The following FUT8 variants were observed in gnomAD, a reference collection of about 807,000 sequenced individuals.
FUT8 encodes the protein fucosyltransferase 8, also known as alpha-(1,6)-fucosyltransferase.
In FUT8, 29 loss-of-function variants were observed where a neutral mutation model predicts 71.3. The observed-to-expected ratio is 0.41, with a 90% CI of 0.30 to 0.55. The LOEUF (loss-of-function observed/expected upper bound fraction) is 0.55. FUT8 is among the 20% of genes least tolerant of loss of function. The pLI, the probability that FUT8 is intolerant of heterozygous loss-of-function variation, is 0.34. For synonymous variants in FUT8, 254 were observed against 239.3 expected (o/e 1.06, Z -0.57); for missense variants, 544 against 702.1 (o/e 0.77, Z 2.55).
chr14:65,692,503 G>T (rs1594903014), intron 7 of FUT8, among the ~76,000 whole-genome samples: 3 of 69,806 alleles, frequency 4.3e-5, no homozygotes, highest in African/African-American at 8.7e-5. Context: ...CCGGGCGGGG[G>T]GCTGACCCCC....
chr14:65,572,212 C>A (rs1308918444), intron 3 of FUT8, among the ~76,000 whole-genome samples: 1 of 152,130 alleles, frequency 6.6e-6, no homozygotes, highest in Non-Finnish European at 1.5e-5. Flanking sequence ...TTAGCTTGTG[C>A]TTTTACTCTT....
At chr14:65,724,796 A>T (rs2139362206) in intron 9 of FUT8, among the ~76,000 whole-genome samples, 1 of 151,936 alleles carries the variant, frequency 6.6e-6, no homozygotes, top group South Asian at 2.1e-4. Context: ...TGCTCTTGTG[A>T]CCTCTTCTTT....
At chr14:65,503,530 T>C (rs1198523601) in intron 2 of FUT8, among the ~76,000 whole-genome samples, 5 of 152,208 alleles carry the variant, frequency 3.3e-5, no homozygotes, top group South Asian at 2.1e-4. Flanking sequence ...TTTATGAAAT[T>C]GTTAATTTCT....
chr14:65,637,693 GAAGAAT>G (rs1324813739), intron 6 of FUT8, among the ~76,000 whole-genome samples: 3 of 152,054 alleles, frequency 2.0e-5, no homozygotes, highest in Non-Finnish European at 4.4e-5. Flanking sequence ...CCACAACCAA[GAAGAAT>G]AAGGCGTGTG....
At chr14:65,523,219 A>G (rs1479132672) in intron 2 of FUT8, among the ~76,000 whole-genome samples, 2 of 152,154 alleles carry the variant, frequency 1.3e-5, no homozygotes, top group African/African-American at 4.8e-5. Context: ...GTTTCTCCAC[A>G]TCCTCTCCAG....
chr14:65,440,688 G>A (rs1171927204), intron 1 of FUT8, among the ~76,000 whole-genome samples: 4 of 152,016 alleles, frequency 2.6e-5, no homozygotes, highest in Non-Finnish European at 5.9e-5. Flanking sequence ...CCTCTTGTGG[G>A]AAAATGACTT....
chr14:65,549,438 T>C (rs1256696498), intron 2 of FUT8, among the ~76,000 whole-genome samples: 1 of 152,178 alleles, frequency 6.6e-6, no homozygotes, highest in African/African-American at 2.4e-5. Flanking sequence ...ATCTTGTGGC[T>C]GTTTTACCCT....
chr14:65,622,237 A>T (rs1889653978), intron 5 of FUT8, among the ~76,000 whole-genome samples: 1 of 152,218 alleles, frequency 6.6e-6, no homozygotes, highest in Non-Finnish European at 1.5e-5. Flanking sequence ...TAATTGCTAA[A>T]TACTTAGCTT....
chr14:65,703,402 AACCCAAAAGGATAAAAT>A (rs1415825425), intron 7 of FUT8, among the ~76,000 whole-genome samples: 2 of 151,954 alleles, frequency 1.3e-5, no homozygotes, highest in Non-Finnish European at 2.9e-5. Flanking sequence ...TTCCCAATTA[AACCCAAAAGGATAAAAT>A]ATAGCCATTT....
Position 65,742,927 on chromosome 14 carries a change from T to G in FUT8, c.*517T>G, listed in dbSNP as rs1177088138. The G allele has an allele frequency of 6.6e-6, 1 of 152,518 alleles. No homozygotes were observed. Among genetic ancestry groups the G allele is most frequent in the African/African-American group, 2.4e-5 (1 of 41,276 alleles). 9.4% of individuals were successfully genotyped at this position (152,518 alleles called of 1,614,324 possible). On this transcript the variant is annotated 3_prime_UTR_variant, in exon 11 of 11. Coordinates refer to ENST00000673929, the MANE Select transcript of FUT8 (RefSeq NM_001371533.1). ...ACGTTTGGTTTTTTTTTGTTTTTGT[T>G]TTTGTTTTTTCCTTTATAAGGTTGT...
the FUT8 span, among the ~76,000 whole-genome samples, chr14:65,369,247 G>C: frequency 6.6e-6 from 1 of 152,186 alleles, no homozygotes; most frequent in Admixed American, 6.5e-5. The surrounding 1 kb of genome is among the most constrained non-coding windows in gnomAD (Gnocchi z 4.6). Context: ...TGGGGACATG[G>C]CCTGCTTCAT....
chr14:65,741,833 G>T (rs1188386930), intron 10 of FUT8, among the ~76,000 whole-genome samples: 1 of 151,874 alleles, frequency 6.6e-6, no homozygotes, highest in African/African-American at 2.4e-5. Flanking sequence ...AAATTCTTTT[G>T]TACTATATAG....
chr14:65,532,653 A>G (rs771125329), intron 2 of FUT8, among the ~76,000 whole-genome samples: 1 of 152,166 alleles, frequency 6.6e-6, no homozygotes, highest in Non-Finnish European at 1.5e-5. Flanking sequence ...ATGAGATCCC[A>G]TTTGTCAGTT....
chr14:65,481,619 A>G (rs1170681417), intron 2 of FUT8, among the ~76,000 whole-genome samples: 1 of 151,982 alleles, frequency 6.6e-6, no homozygotes. Context: ...ACTACTACCC[A>G]TCCTTCCTTG....
chr14:65,424,070 G>C (rs1173376735), intron 1 of FUT8, among the ~76,000 whole-genome samples: 2 of 152,152 alleles, frequency 1.3e-5, no homozygotes, highest in Non-Finnish European at 2.9e-5. Flanking sequence ...AGCACTTCCG[G>C]CATCACTAGT....
At chr14:65,392,274 A>G in the FUT8 span, among the ~76,000 whole-genome samples, 1 of 152,364 alleles carries the variant, frequency 6.6e-6, no homozygotes, top group East Asian at 1.9e-4. Flanking sequence ...TGGCAAGCTA[A>G]CTTAAAAGAA....
At chr14:65,633,838 G>A (rs1395108685) in intron 6 of FUT8, among the ~76,000 whole-genome samples, 2 of 151,958 alleles carry the variant, frequency 1.3e-5, no homozygotes, top group African/African-American at 2.4e-5. Flanking sequence ...CACCCTGTCC[G>A]GGAGGGAGGT....
At chr14:65,412,411 T>C (rs1292287432), upstream of FUT8, 2 of 443,110 alleles carry the variant, frequency 4.5e-6, no homozygotes, top group Admixed American at 2.5e-5. Flanking sequence ...CAGCATTCTC[T>C]GGAGGCGAGT....
At chr14:65,374,423 C>G in the FUT8 span, among the ~76,000 whole-genome samples, 1 of 152,158 alleles carries the variant, frequency 6.6e-6, no homozygotes, top group African/African-American at 2.4e-5. Flanking sequence ...CTCTATACCT[C>G]CACTTCCCCT....
Sources: gnomAD v4.1 joint callset for allele counts (sites outside exome capture counted in the v4.1 genomes callset) on GRCh38, gnomAD v4.1.1 for gene constraint, Gnocchi (gnomAD v3.1) non-coding constraint, MANE v1.5 for transcripts, NCBI Gene and HGNC (gene_info 2026-07-23, HGNC 2026-07-21) for gene names.